Variants in BRD4 observed in about 807,000 individuals in gnomAD.
BRD4 encodes bromodomain containing 4.
BRD4 carries 16 observed loss-of-function variants against 142.1 expected under a neutral mutation model. The ratio of observed to expected loss-of-function variants is 0.11; its 90% CI spans 0.08 to 0.17. The LOEUF is 0.17. BRD4 is among the 10% of genes least tolerant of loss of function. The pLI, the probability that BRD4 is intolerant of heterozygous loss-of-function variation, is 1.00. For missense variants in BRD4, 1,424 were observed against 1,810.9 expected, an observed-to-expected ratio of 0.79 and a Z score of 3.88; for synonymous variants, 833 against 707.5, an observed-to-expected ratio of 1.18 and a Z score of -2.82.
chr19:15,265,720 CCA>C (rs2047527746), intron 4 of BRD4, 77 bp from the exon 5 acceptor site: 3 of 1,456,676 alleles, frequency 2.1e-6, no homozygotes, highest in Admixed American at 1.7e-5. Flanking sequence ...GGGACATACA[CCA>C]CACACAGTGA....
intron 1 of BRD4, among the ~76,000 whole-genome samples, chr19:15,315,291 CA>C (rs1162017884): frequency 6.6e-6 from 1 of 152,048 alleles, no homozygotes; most frequent in Non-Finnish European, 1.5e-5. Flanking sequence ...ACCTTTCTAG[CA>C]CAGGGGTATT....
chr19:15,281,100 T>C (rs1416887781), intron 1 of BRD4, among the ~76,000 whole-genome samples: 3 of 152,234 alleles, frequency 2.0e-5, no homozygotes, highest in African/African-American at 7.2e-5. Context: ...CTCAGGCAGC[T>C]GGTGAGAACA....
chr19:15,283,517 T>C (rs2047719976), intron 1 of BRD4, among the ~76,000 whole-genome samples: 1 of 152,236 alleles, frequency 6.6e-6, no homozygotes. Flanking sequence ...CTTTGGGAAT[T>C]TGGGAAGCCA....
intron 1 of BRD4, among the ~76,000 whole-genome samples, chr19:15,309,338 C>CA (rs59956347): frequency 0.14 from 10,144 of 72,620 alleles, 657 homozygotes; most frequent in African/African-American, 0.17. Context: ...ACTCCACCTC[C>CA]AAAAAAAAAA....
At chr19:15,327,722 G>T (rs2048121157) in intron 1 of BRD4, among the ~76,000 whole-genome samples, 1 of 152,096 alleles carries the variant, frequency 6.6e-6, no homozygotes, top group South Asian at 2.1e-4. Flanking sequence ...ACTGATTCAT[G>T]CTACACAGCA....
At chr19:15,244,861 A>C in intron 11 of BRD4, 99 bp from the exon 12 acceptor site, 1 of 1,594,446 alleles carries the variant, frequency 6.3e-7, no homozygotes, top group Non-Finnish European at 8.5e-7. Flanking sequence ...TTTCAGGAGA[A>C]GGACCAGTGA....
intron 1 of BRD4, among the ~76,000 whole-genome samples, chr19:15,310,684 G>A (rs889300415): frequency 1.3e-5 from 2 of 149,876 alleles, no homozygotes; most frequent in Non-Finnish European, 3.0e-5. Context: ...TATTAGAGAC[G>A]GGGTTTCACC....
In BRD4 at chr19:15,303,746, C is replaced by A. The variant is rs549877900; in HGVS notation, c.-35+28544G>T. ...ATGGGGCACTGAATACAGAACCTATCTGCCAACTTTAACTGTAATGCGATA... is the reference window on the plus strand; with the variant it reads ...ATGGGGCACTGAATACAGAACCTATATGCCAACTTTAACTGTAATGCGATA... On this transcript the variant is annotated intron_variant, in intron 1 of 19. Coordinates refer to ENST00000679869, the MANE Select transcript of BRD4 (RefSeq NM_001379291.1). 1.2e-4 allele frequency among the ~76,000 whole-genome samples: 18 copies of A among 152,300 alleles called. No individual in the cohort carries two copies. The South Asian group carries it at 3.7e-3, about 32-fold the overall frequency.
In BRD4 at chr19:15,238,636, A is replaced by G; in HGVS notation, c.4020+107T>C. The G allele has an allele frequency of 6.9e-7, 1 of 1,454,552 alleles. No homozygotes were observed. The highest frequency in any genetic ancestry group is 9.1e-7 in the Non-Finnish European group (1 of 1,099,844). The allele number at this position is 1,454,552 out of a possible 1,614,324, so 90.1% of individuals were successfully genotyped here. ...GAGGACCACATGCCGACCAGCAGGG[A>G]CGGGGCTCCCCCGCTGCCCCTCCCT... On this transcript the variant is annotated intron_variant, in intron 19 of 19. Transcript: ENST00000679869. The surrounding 1 kb of genome is among the most constrained non-coding windows in gnomAD (Gnocchi z 7.2).
chr19:15,295,371 G>A (rs1205498502), intron 1 of BRD4, among the ~76,000 whole-genome samples: 1 of 152,206 alleles, frequency 6.6e-6, no homozygotes, highest in Non-Finnish European at 1.5e-5. Context: ...GGAATACCTT[G>A]TTCTCCAAGA....
chr19:15,295,396 A>G lies in BRD4; in HGVS notation c.-34-22263T>C, dbSNP rs1049328629. On this transcript the variant is annotated intron_variant, in intron 1 of 19. Transcript: ENST00000679869. The stretch of plus-strand genomic sequence containing the variant: ...GTTCTCCAAGACACTCCATCTGGCT[A>G]AAATCTTTCCTTCAAAAGGCTTTCC... 3.1e-4 allele frequency among the ~76,000 whole-genome samples: 47 copies of G among 152,220 alleles called. 1 individual carries two copies. The highest frequency in any genetic ancestry group is 3.1e-3 in the Admixed American group (47 of 15,282).
chr19:15,260,205 A>G (rs1464731532), intron 7 of BRD4, among the ~76,000 whole-genome samples: 3 of 152,220 alleles, frequency 2.0e-5, no homozygotes, highest in Non-Finnish European at 4.4e-5. Flanking sequence ...GGTTTTCTCA[A>G]TGACCCGAGA....
rs1047396764 is a variant in BRD4, at chr19:15,239,671, G to A, written c.3433C>T (p.His1145Tyr). 7 of 1,583,576 alleles carry A rather than the reference G, an allele frequency of 4.4e-6. No homozygotes were observed. Among genetic ancestry groups the A allele is most frequent in the Non-Finnish European group, 6.0e-6 (7 of 1,173,340 alleles). Residue 1145 changes from histidine to tyrosine, a missense_variant, in exon 16 of 20, where the codon CAC becomes TAC. Around this residue, in one of 16 missense-constraint regions of BRD4, gnomAD observed 598 missense variants for 647.8 expected, o/e 0.92. Coordinates refer to ENST00000679869, the MANE Select transcript of BRD4 (RefSeq NM_001379291.1). The surrounding 1 kb of genome is among the most constrained non-coding windows in gnomAD (Gnocchi z 7.4). Reference protein sequence around the residue: ...KHPESIKAPVHLPQRPEMKPV... With the variant: ...KHPESIKAPVYLPQRPEMKPV... ...GGAGAGCACTCACGCTGGGGCAGGT[G>A]GACGGGGGCCTTGATGCTCTCCGGG...
intron 9 of BRD4, 120 bp downstream of exon 9, chr19:15,255,944 C>A: frequency 7.5e-7 from 1 of 1,341,754 alleles, no homozygotes; most frequent in Non-Finnish European, 1.0e-6. Context: ...TGTGAAGCCA[C>A]GGCTGCAGAG....
At chr19:15,274,896 C>G (rs956917341) in intron 1 of BRD4, among the ~76,000 whole-genome samples, 39 of 149,872 alleles carry the variant, frequency 2.6e-4, no homozygotes, top group Non-Finnish European at 1.0e-4. Context: ...GAGACAGGGT[C>G]TGTCGCCCAG....
At chr19:15,309,338 CA>C (rs59956347) in intron 1 of BRD4, among the ~76,000 whole-genome samples, 1,969 of 72,886 alleles carry the variant, frequency 0.027, 25 homozygotes, top group African/African-American at 0.082. Context: ...ACTCCACCTC[CA>C]AAAAAAAAAA....
intron 1 of BRD4, among the ~76,000 whole-genome samples, chr19:15,299,239 G>C (rs912056636): frequency 6.6e-6 from 1 of 152,160 alleles, no homozygotes; most frequent in East Asian, 1.9e-4. Context: ...CCATCACATA[G>C]AGAATGAACA....
rs1599433125 is a variant in BRD4, at chr19:15,243,149, G to T, written c.2920C>A (p.Pro974Thr). Residue 974 changes from proline (P) to threonine (T), a missense_variant, in exon 14 of 20, where the codon CCG becomes ACG. Physicochemically the swap from Pro to Thr is conservative, Grantham distance 38 (BLOSUM62 -1). This residue lies in a region of BRD4 where 598 missense variants were observed against 647.8 expected (regional missense o/e 0.92). Coordinates refer to ENST00000679869, the MANE Select transcript of BRD4 (RefSeq NM_001379291.1). ...GGCTGGGGTGGTGGGGGTGGTGGCGGCTGCTGCTGCAGCTGCTGCTGCACA... is the reference window on the plus strand; with the variant it reads ...GGCTGGGGTGGTGGGGGTGGTGGCGTCTGCTGCTGCAGCTGCTGCTGCACA... ...PSVQQQLQQQ[P>T]PPPPPPQPQP... The T allele has an allele frequency of 9.6e-7, 1 of 1,045,882 alleles. No individual in the cohort carries two copies. The allele number at this position is 1,045,882 out of a possible 1,614,324, so 64.8% of individuals were successfully genotyped here.
At chr19:15,313,142 C>T (rs1036345250) in intron 1 of BRD4, among the ~76,000 whole-genome samples, 2 of 151,844 alleles carry the variant, frequency 1.3e-5, no homozygotes, top group East Asian at 3.9e-4. Context: ...GAGGCTGAGG[C>T]GGGCGGATCA....
Sources: gnomAD v4.1 joint callset for allele counts (sites outside exome capture counted in the v4.1 genomes callset) on GRCh38, gnomAD v4.1.1 for gene constraint, gnomAD v4.1.1 regional missense constraint, Gnocchi (gnomAD v3.1) non-coding constraint, MANE v1.5 for transcripts, NCBI Gene and HGNC (gene_info 2026-07-23, HGNC 2026-07-21) for gene names.